GTPBP2: variants seen among roughly 807,000 people sequenced by gnomAD.
GTPBP2 encodes GTP-binding protein 2.
Under a neutral mutation model 63.0 loss-of-function variants are expected in GTPBP2, and 32 were observed. The observed-to-expected ratio is 0.51, with a 90% confidence interval of 0.38 to 0.68. The LOEUF (loss-of-function observed/expected upper bound fraction) is 0.68, where lower values mean the gene tolerates loss of function less well. GTPBP2 is among the 30% of genes least tolerant of loss of function. GTPBP2 has a pLI of 0.00. For missense variants in GTPBP2, 492 were observed against 796.9 expected (o/e 0.62, Z 4.61); for synonymous variants, 310 against 322.6 (o/e 0.96, Z 0.42).
chr6:43,627,078 G>T, intron 1 of GTPBP2, 130 bp from the exon 2 acceptor site: 1 of 824,486 alleles, frequency 1.2e-6, no homozygotes, highest in Non-Finnish European at 1.9e-6. Context: ...TTAGGCAAGT[G>T]CCTGTCAAAG....
Position 43,626,569 on chromosome 6 carries a change from G to A in GTPBP2, c.214-159C>T, listed in dbSNP as rs1224456336. ...GAACGAGGTACAGAGCCCTTAACCT[G>A]AACCATATCCTTAAACTGCTATAAT... On this transcript the variant is annotated intron_variant, in intron 2 of 11. Coordinates refer to ENST00000307126, the MANE Select transcript of GTPBP2 (RefSeq NM_019096.5). This position sits in a 1 kb window ranked among gnomAD's most constrained non-coding sequence, Gnocchi z 4.0. 1.3e-5 allele frequency among the ~76,000 whole-genome samples: 2 copies of A among 152,160 alleles called. No individual in the cohort carries two copies. Among genetic ancestry groups the A allele is most frequent in the African/African-American group, 2.4e-5 (1 of 41,424 alleles).
chr6:43,629,132 C>G lies in GTPBP2; in HGVS notation c.31G>C (p.Gly11Arg), dbSNP rs1769711683. The G allele has an allele frequency of 3.9e-6, 6 of 1,523,540 alleles. No individual in the cohort carries two copies. Among genetic ancestry groups the G allele is most frequent in the East Asian group, 5.0e-5 (2 of 39,896 alleles). The allele number at this position is 1,523,540 out of a possible 1,614,324, so 94.4% of individuals were successfully genotyped here. A position where few individuals can be genotyped will look rare whatever the true frequency, so the allele number is the denominator to read the frequency against. Reference sequence around the variant, plus strand: ...GGGCCCCCTCCGGGCCGGCAGCAGCCGCCGAACAGCTCCGATACCCGCGAG... The same window carrying G: ...GGGCCCCCTCCGGGCCGGCAGCAGCGGCCGAACAGCTCCGATACCCGCGAG... Reference protein sequence around the residue: MDSRVSELFGGCCRPGGGPAV... With the variant: MDSRVSELFGRCCRPGGGPAV... Residue 11 changes from glycine (G) to arginine (R), a missense_variant, in exon 1 of 12, where the codon GGC becomes CGC. Physicochemically the swap from Gly to Arg is moderately radical, Grantham distance 125 (BLOSUM62 -2). Transcript: ENST00000307126.
chr6:43,625,312 C>T lies in GTPBP2; in HGVS notation c.705+51G>A. 3.3e-6 allele frequency: 5 copies of T among 1,530,480 alleles called. No individual in the cohort carries two copies. Among genetic ancestry groups the T allele is most frequent in the Non-Finnish European group, 4.5e-6 (5 of 1,104,096 alleles). The allele number at this position is 1,530,480 out of a possible 1,614,324, so 94.8% of individuals were successfully genotyped here. ...CCCCATCCTATGTCCTTCACTACTACCATCCCATCCTCAGAGTCTGGCCCC... is the reference window on the plus strand; with the variant it reads ...CCCCATCCTATGTCCTTCACTACTATCATCCCATCCTCAGAGTCTGGCCCC... On this transcript the variant is annotated intron_variant, in intron 5 of 11. Coordinates refer to ENST00000307126, the MANE Select transcript of GTPBP2 (RefSeq NM_019096.5). The surrounding 1 kb of genome is among the most constrained non-coding windows in gnomAD (Gnocchi z 5.1).
At position 43,627,392 on chromosome 6, in the gene GTPBP2, T is replaced by C. The variant is rs929670666; in HGVS notation, c.187-444A>G. On this transcript the variant is annotated intron_variant, in intron 1 of 11. Transcript: ENST00000307126. ...TGCCTGCCCCTTTCAGCTGATGTCA[T>C]CTAGAGTAAGAGGCTGCAAGAGGTT... 7 of 958,538 alleles carry C rather than the reference T, an allele frequency of 7.3e-6. No homozygotes were observed. In the African/African-American group the frequency reaches 1.2e-4, roughly 17 times the overall value. The allele number at this position is 958,538 out of a possible 1,614,324, so 59.4% of individuals were successfully genotyped here.
At chr6:43,623,177 G>C in intron 9 of GTPBP2, 1 of 201,682 alleles carries the variant, frequency 5.0e-6, no homozygotes, top group South Asian at 1.1e-4. Flanking sequence ...GATCACTTGA[G>C]GTCAGGAATT....
In GTPBP2 at chr6:43,629,248, G is replaced by A. The variant is rs1769734637; in HGVS notation, c.-86C>T. 3 of 1,007,108 alleles carry A rather than the reference G, an allele frequency of 3.0e-6. No individual in the cohort carries two copies. Among genetic ancestry groups the A allele is most frequent in the Non-Finnish European group, 4.0e-6 (3 of 757,380 alleles). 62.4% of individuals were successfully genotyped at this position (1,007,108 alleles called of 1,614,324 possible). On this transcript the variant is annotated 5_prime_UTR_variant, in exon 1 of 12. Coordinates refer to ENST00000307126, the MANE Select transcript of GTPBP2 (RefSeq NM_019096.5). ...GCCCTTACTGCCACTGCCGTGTCCGGCCGGCCTGAGCAGAGTGGGGTGGGG... is the reference window on the plus strand; with the variant it reads ...GCCCTTACTGCCACTGCCGTGTCCGACCGGCCTGAGCAGAGTGGGGTGGGG...
Position 43,621,307 on chromosome 6 carries a change from G to C in GTPBP2, c.*307C>G. The C allele has an allele frequency of 1.2e-6, 1 of 821,388 alleles. No individual in the cohort carries two copies. 50.9% of individuals were successfully genotyped at this position (821,388 alleles called of 1,614,324 possible). A position where few individuals can be genotyped will look rare whatever the true frequency, so the allele number is the denominator to read the frequency against. Reference sequence around the variant, plus strand: ...GCCCAGTCTTAGTAGTGGGGACGAAGAATTGATGAGTGGATCCAGTCAGCT... The same window carrying C: ...GCCCAGTCTTAGTAGTGGGGACGAACAATTGATGAGTGGATCCAGTCAGCT... On this transcript the variant is annotated 3_prime_UTR_variant, in exon 12 of 12. Transcript: ENST00000307126.
intron 11 of GTPBP2, 45 bp from the exon 12 acceptor site, chr6:43,621,835 C>T (rs1768746994): frequency 1.2e-6 from 2 of 1,613,278 alleles, no homozygotes; most frequent in Non-Finnish European, 1.7e-6. Context: ...GCCTTCTGTC[C>T]CATTCTCTGC....
chr6:43,624,919 G>A lies in GTPBP2; in HGVS notation c.849C>T (p.Ala283=). 6.2e-7 allele frequency: 1 copy of A among 1,614,158 alleles called. No individual in the cohort carries two copies. Among genetic ancestry groups the A allele is most frequent in the East Asian group, 2.2e-5 (1 of 44,884 alleles). Residue 283 remains alanine, a synonymous_variant, in exon 6 of 12, where the codon GCC becomes GCT. Transcript: ENST00000307126. The surrounding 1 kb of genome is among the most constrained non-coding windows in gnomAD (Gnocchi z 5.1). ...FGLTSYCPDC[A]LLLVSANTGI... ...CAGTGTTGGCACTGACGAGGAGCAGGGCGCAGTCGGGGCAGTATGATGTGA... is the reference window on the plus strand; with the variant it reads ...CAGTGTTGGCACTGACGAGGAGCAGAGCGCAGTCGGGGCAGTATGATGTGA...
chr6:43,626,371 G>C lies in GTPBP2; in HGVS notation c.253C>G (p.Leu85Val). 1 of 1,614,188 alleles carries C rather than the reference G, an allele frequency of 6.2e-7. No individual in the cohort carries two copies. The highest frequency in any genetic ancestry group is 8.5e-7 in the Non-Finnish European group (1 of 1,180,034). Reference sequence around the variant, plus strand: ...AGCCGCCACTTCATTTGTGTCACCAGGTGCTCAAAGCGGTACTGGGATGGA... The same window carrying C: ...AGCCGCCACTTCATTTGTGTCACCACGTGCTCAAAGCGGTACTGGGATGGA... ...VNPSQYRFEHLVTQMKWRLQE... is the reference protein window; with the variant it reads ...VNPSQYRFEHVVTQMKWRLQE... The change falls in exon 3 of 12, where the codon CTG becomes GTG. Residue 85 changes from leucine (L) to valine (V), a missense_variant. This residue lies in a region of GTPBP2 where 400 missense variants were observed against 710.8 expected (regional missense o/e 0.56). Coordinates refer to ENST00000307126, the MANE Select transcript of GTPBP2 (RefSeq NM_019096.5). The surrounding 1 kb of genome is among the most constrained non-coding windows in gnomAD (Gnocchi z 4.0).
At position 43,624,571 on chromosome 6, in the gene GTPBP2, T is replaced by C. The variant is rs1347487562; in HGVS notation, c.1039A>G (p.Met347Val). The C allele has an allele frequency of 1.2e-6, 2 of 1,614,028 alleles. No homozygotes were observed. Among genetic ancestry groups the C allele is most frequent in the African/African-American group, 1.3e-5 (1 of 74,898 alleles). Residue 347 changes from methionine (M) to valine (V), a missense_variant, in exon 7 of 12, where the codon ATG becomes GTG. Coordinates refer to ENST00000307126, the MANE Select transcript of GTPBP2 (RefSeq NM_019096.5). This position sits in a 1 kb window ranked among gnomAD's most constrained non-coding sequence, Gnocchi z 5.1. ...GCATCATCCTCAGAGGTGACCAGCA[T>C]GGGGACCTTGTGGCAGCCAGGCTGC... ...LKQPGCHKVP[M>V]LVTSEDDAVT...
chr6:43,629,168 G>C lies in GTPBP2; in HGVS notation c.-6C>G. On this transcript the variant is annotated 5_prime_UTR_variant, in exon 1 of 12. Transcript: ENST00000307126. Reference sequence around the variant, plus strand: ...TCCGATACCCGCGAGTCCATCCGCCGCTGCCGCCAGCCCCCCGCCCGGCCC... The same window carrying C: ...TCCGATACCCGCGAGTCCATCCGCCCCTGCCGCCAGCCCCCCGCCCGGCCC... The C allele has an allele frequency of 1.5e-6, 2 of 1,366,256 alleles. No individual in the cohort carries two copies. The highest frequency in any genetic ancestry group is 1.9e-6 in the Non-Finnish European group (2 of 1,064,938). The allele number at this position is 1,366,256 out of a possible 1,614,324, so 84.6% of individuals were successfully genotyped here. A position where few individuals can be genotyped will look rare whatever the true frequency, so the allele number is the denominator to read the frequency against.
rs1018494055 is a variant in GTPBP2 at position 43,624,408 on chromosome 6, G to A, written c.1100+102C>T. 3.1e-5 allele frequency: 27 copies of A among 872,766 alleles called. No individual in the cohort carries two copies. The highest frequency in any genetic ancestry group is 4.6e-5 in the Non-Finnish European group (25 of 543,338). 54.1% of individuals were successfully genotyped at this position (872,766 alleles called of 1,614,324 possible). On this transcript the variant is annotated intron_variant, in intron 7 of 11. Transcript: ENST00000307126. This position sits in a 1 kb window ranked among gnomAD's most constrained non-coding sequence, Gnocchi z 5.1. ...CTGAAACACCCGCAGAACTAAGCCAGAACTGGTCTGGCCCTGGAGAAGTAG... is the reference window on the plus strand; with the variant it reads ...CTGAAACACCCGCAGAACTAAGCCAAAACTGGTCTGGCCCTGGAGAAGTAG...
chr6:43,628,618 G>C, intron 1 of GTPBP2: 1 of 830,382 alleles, frequency 1.2e-6, no homozygotes, highest in East Asian at 1.2e-4. Flanking sequence ...AGAAGTGGTG[G>C]TTACTGTCTG....
chr6:43,626,839 AAG>A lies in GTPBP2; in HGVS notation c.213+81_213+82del. On this transcript the variant is annotated intron_variant, in intron 2 of 11. Transcript: ENST00000307126. The surrounding 1 kb of genome is among the most constrained non-coding windows in gnomAD (Gnocchi z 4.0). ...GCAAAACTTCATCTCAAAAAAAAAA[AAG>A]AAAGAAAGAAAAAAGAAATTATCCC... 2 of 1,127,942 alleles carry A rather than the reference AAG, an allele frequency of 1.8e-6. No individual in the cohort carries two copies. The highest frequency in any genetic ancestry group is 1.4e-5 in the South Asian group (1 of 71,858). 69.9% of individuals were successfully genotyped at this position (1,127,942 alleles called of 1,614,324 possible).
chr6:43,625,106 C>G lies in GTPBP2; in HGVS notation c.706-44G>C. 1.3e-6 allele frequency: 2 copies of G among 1,586,454 alleles called. No homozygotes were observed. Among genetic ancestry groups the G allele is most frequent in the Non-Finnish European group, 1.7e-6 (2 of 1,159,558 alleles). On this transcript the variant is annotated intron_variant, in intron 5 of 11. Coordinates refer to ENST00000307126, the MANE Select transcript of GTPBP2 (RefSeq NM_019096.5). The surrounding 1 kb of genome is among the most constrained non-coding windows in gnomAD (Gnocchi z 5.1). ...CCCTCAGTGCCTCCTGCCAGCCCTT[C>G]CAACCCCTTCAGAGTTGCCAGGACC...
At position 43,622,010 on chromosome 6, in the gene GTPBP2, T is replaced by TG; in HGVS notation, c.1624dup (p.His542ProfsTer46). On this transcript the variant is annotated frameshift_variant, in exon 11 of 12. Coordinates refer to ENST00000307126, the MANE Select transcript of GTPBP2 (RefSeq NM_019096.5). LOFTEE classifies it high-confidence loss of function. This position sits in a 1 kb window ranked among gnomAD's most constrained non-coding sequence, Gnocchi z 5.4. The stretch of plus-strand genomic sequence containing the variant: ...AGGCCAGGTCCCTCTCACCTTGGCA[T>TG]GGATCTTTTCCACCACTGCCGTCTG... 1 of 1,614,244 alleles carries TG rather than the reference T, an allele frequency of 6.2e-7. No homozygotes were observed. The highest frequency in any genetic ancestry group is 1.3e-5 in the African/African-American group (1 of 75,066).
At position 43,621,421 on chromosome 6, in the gene GTPBP2, C is replaced by T; in HGVS notation, c.*193G>A. Reference sequence around the variant, plus strand: ...AGCACTGCCCTGAATCCTGTCTTCTCCCTCAGGACTGCCCTTTCCTGGCCA... The same window carrying T: ...AGCACTGCCCTGAATCCTGTCTTCTTCCTCAGGACTGCCCTTTCCTGGCCA... On this transcript the variant is annotated 3_prime_UTR_variant, in exon 12 of 12. Coordinates refer to ENST00000307126, the MANE Select transcript of GTPBP2 (RefSeq NM_019096.5). 1 of 1,540,862 alleles carries T rather than the reference C, an allele frequency of 6.5e-7. No homozygotes were observed. Among genetic ancestry groups the T allele is most frequent in the Non-Finnish European group, 8.8e-7 (1 of 1,140,712 alleles).
Position 43,621,093 on chromosome 6 carries a change from T to G in GTPBP2, c.*521A>C, listed in dbSNP as rs1212333983. On this transcript the variant is annotated 3_prime_UTR_variant, in exon 12 of 12. Transcript: ENST00000307126. ...GCAACACTACCATTCACTGTCCCTG[T>G]GCCATTTCTTCAGACTCTGGGCCGC... 6.5e-6 allele frequency: 2 copies of G among 307,738 alleles called. No individual in the cohort carries two copies. Among genetic ancestry groups the G allele is most frequent in the African/African-American group, 2.2e-5 (1 of 46,170 alleles). The allele number at this position is 307,738 out of a possible 1,614,324, so 19.1% of individuals were successfully genotyped here. A position where few individuals can be genotyped will look rare whatever the true frequency, so the allele number is the denominator to read the frequency against.
Sources: allele counts gnomAD v4.1 joint callset (sites outside exome capture counted in the v4.1 genomes callset), GRCh38; gene constraint gnomAD v4.1.1; regional missense constraint gnomAD v4.1.1; non-coding constraint Gnocchi (gnomAD v3.1); transcripts MANE v1.5; gene names NCBI Gene and HGNC (gene_info 2026-07-23, HGNC 2026-07-21).